The following ADAR variants were observed in gnomAD, a reference collection of about 807,000 sequenced individuals.
ADAR encodes adenosine deaminase RNA specific.
ADAR carries 41 observed loss-of-function variants against 113.2 expected under a neutral mutation model. The observed-to-expected ratio is 0.36, with a 90% CI of 0.28 to 0.47. The LOEUF is 0.47. Ranked by LOEUF, ADAR falls within the 20% of genes least tolerant of loss-of-function variation. The pLI, the probability that ADAR is intolerant of heterozygous loss-of-function variation, is 1.00. For missense variants in ADAR, 1,242 were observed against 1,540.9 expected (o/e 0.81, Z 3.25); for synonymous variants, 605 against 572.6 (o/e 1.06, Z -0.81).
At position 154,601,668 on chromosome 1, in the gene ADAR, G is replaced by A. The variant is rs745665719; in HGVS notation, c.974C>T (p.Thr325Ile). ...ALNLAKNIGLTKARDINAVLI... is the reference protein window; with the variant it reads ...ALNLAKNIGLIKARDINAVLI... ...CACAGCATTTATATCTCGGGCCTTG[G>A]TAAGGCCAATATTTTTAGCCAAATT... The change falls in exon 2 of 15, where the codon ACC becomes ATC. Residue 325 changes from threonine to isoleucine, a missense_variant. Thr to Ile is a moderately conservative substitution (Grantham distance 89). This residue lies in a region of ADAR where 462 missense variants were observed against 483.1 expected (regional missense o/e 0.96). Coordinates refer to ENST00000368474, the MANE Select transcript of ADAR (RefSeq NM_001111.5). This position sits in a 1 kb window ranked among gnomAD's most constrained non-coding sequence, Gnocchi z 4.7. 2 of 1,614,014 alleles carry A rather than the reference G, an allele frequency of 1.2e-6. No homozygotes were observed. The highest frequency in any genetic ancestry group is 2.2e-5 in the East Asian group (1 of 44,898).
intron 1 of ADAR, among the ~76,000 whole-genome samples, chr1:154,603,131 C>T (rs990202177): frequency 2.0e-5 from 3 of 152,188 alleles, no homozygotes; most frequent in African/African-American, 7.2e-5. Context: ...CTCACCAGTG[C>T]ACCCCTTGCC....
At position 154,619,118 on chromosome 1, in the gene ADAR, A is replaced by G. The variant is rs77068323; in HGVS notation, c.-871+8737T>C. On this transcript the variant is annotated intron_variant, in intron 1 of 14. Transcript: ENST00000368471. The stretch of plus-strand genomic sequence containing the variant: ...GAGTGAGACTCCATCTCAAAAAAAA[A>G]GAGGCAGATAATGTTAGTGGCCTAC... Among the ~76,000 whole-genome samples, 1,309 of 152,294 alleles carry G rather than the reference A, an allele frequency of 8.6e-3. 21 individuals carry two copies. Among genetic ancestry groups the G allele is most frequent in the African/African-American group, 0.03 (1,244 of 41,560 alleles).
intron 1 of ADAR, among the ~76,000 whole-genome samples, chr1:154,613,363 C>T (rs1486794087): frequency 7.0e-6 from 1 of 142,284 alleles, no homozygotes; most frequent in African/African-American, 2.6e-5. Flanking sequence ...CGGCTCACTG[C>T]AACCTCCACC....
chr1:154,587,990 G>A (rs1331423072), intron 11 of ADAR, 135 bp downstream of exon 11: 13 of 1,369,928 alleles, frequency 9.5e-6, no homozygotes, highest in Non-Finnish European at 1.3e-5. Context: ...CCTGACCCAG[G>A]TCTTCCCTTT....
chr1:154,593,241 A>C (rs1322918336), intron 6 of ADAR, among the ~76,000 whole-genome samples: 1 of 152,108 alleles, frequency 6.6e-6, no homozygotes, highest in East Asian at 1.9e-4. Context: ...TCACATTAAG[A>C]AGCAACTAAA....
At chr1:154,611,157 A>G (rs1223197453), upstream of ADAR, among the ~76,000 whole-genome samples, 1 of 152,090 alleles carries the variant, frequency 6.6e-6, no homozygotes, top group Non-Finnish European at 1.5e-5. Context: ...TCTTGTCTTC[A>G]GGCAAGACAA....
chr1:154,615,999 T>G (rs1333534207), intron 1 of ADAR, among the ~76,000 whole-genome samples: 1 of 152,202 alleles, frequency 6.6e-6, no homozygotes, highest in Non-Finnish European at 1.5e-5. Context: ...ACAGCTTGTG[T>G]GATCTCTGAA....
chr1:154,598,160 A>C (rs1417065323), intron 3 of ADAR, among the ~76,000 whole-genome samples, 184 bp from the exon 4 acceptor site: 2 of 152,202 alleles, frequency 1.3e-5, no homozygotes, highest in Non-Finnish European at 2.9e-5. Context: ...TGGCCTCAAT[A>C]AACTTTCAGG....
upstream of ADAR, among the ~76,000 whole-genome samples, chr1:154,612,531 G>A (rs1216655834): frequency 6.6e-6 from 1 of 151,744 alleles, no homozygotes; most frequent in Admixed American, 6.6e-5. Flanking sequence ...GTTTCACTGT[G>A]TTAGCCAGGA....
At chr1:154,598,673 G>C in intron 2 of ADAR, 88 bp from the exon 3 acceptor site, 1 of 1,391,072 alleles carries the variant, frequency 7.2e-7, no homozygotes, top group East Asian at 2.3e-5. Flanking sequence ...GGAATTTTCT[G>C]CTACGCTAAG....
At chr1:154,595,328 G>C (rs1697422322) in intron 6 of ADAR, among the ~76,000 whole-genome samples, 1 of 152,182 alleles carries the variant, frequency 6.6e-6, no homozygotes, top group Non-Finnish European at 1.5e-5. Context: ...ATTCCAGAAA[G>C]CACTGTTACC....
chr1:154,590,150 C>G lies in ADAR; in HGVS notation c.2496+34G>C, dbSNP rs532686739. On this transcript the variant is annotated intron_variant, in intron 7 of 14. Transcript: ENST00000368474. ...CTTAGGAGTTAGGAGGACCCCCCCG[C>G]CCCAAAAAAGGCACCAAAAGTAGAC... 1.0e-4 allele frequency: 130 copies of G among 1,289,372 alleles called. 4 individuals carry two copies. In the Middle Eastern group the frequency reaches 1.2e-3, roughly 12 times the overall value. 79.9% of individuals were successfully genotyped at this position (1,289,372 alleles called of 1,614,324 possible).
chr1:154,594,007 G>A (rs567936687), intron 6 of ADAR, among the ~76,000 whole-genome samples: 5 of 151,904 alleles, frequency 3.3e-5, no homozygotes, highest in East Asian at 1.9e-4. Context: ...CTCAGCCTCC[G>A]GAGTAGCTGG....
At chr1:154,594,966 T>A in intron 6 of ADAR, among the ~76,000 whole-genome samples, 1 of 152,256 alleles carries the variant, frequency 6.6e-6, no homozygotes, top group East Asian at 1.9e-4. Context: ...ATGTACTGCA[T>A]AACAGTGTTT....
rs1260275454 is a variant in ADAR, at chr1:154,601,510, C to A, written c.1132G>T (p.Ala378Ser). The change falls in exon 2 of 15, where the codon GCT (alanine) becomes TCT (serine). Residue 378 changes from alanine to serine, a missense_variant. Ala to Ser is a moderately conservative substitution (Grantham distance 99). Transcript: ENST00000368474. This position sits in a 1 kb window ranked among gnomAD's most constrained non-coding sequence, Gnocchi z 4.7. ...NTNSVPETAP[A>S]AIPETKRNAE... ...TTTCTTTTGGTCTCAGGGATTGCAG[C>A]TGGAGCGGTTTCAGGAACACTGTTC... The A allele has an allele frequency of 2.5e-6, 4 of 1,613,986 alleles. No individual in the cohort carries two copies. In the Admixed American group the frequency reaches 6.7e-5, roughly 27 times the overall value.
exon 1 of ADAR, chr1:154,627,873 G>C (rs766721935): frequency 5.8e-6 from 3 of 518,094 alleles, no homozygotes; most frequent in South Asian, 1.4e-5. Flanking sequence ...GCACTTCCTC[G>C]GGACACGGCC....
At position 154,598,438 on chromosome 1, in the gene ADAR, T is replaced by A; in HGVS notation, c.1749A>T (p.Glu583Asp). ...CTTTCTCTGTGGAATAGTGGGATGA[T>A]TCTTCTGATTTTCCACTGTCCTTGG... ...AKAKDSGKSE[E>D]SSHYSTEKES... Residue 583 changes from glutamate to aspartate, a missense_variant, in exon 3 of 15, where the codon GAA (glutamate) becomes GAT (aspartate). Around this residue, in one of 2 missense-constraint regions of ADAR, gnomAD observed 780 missense variants for 1,057.9 expected, o/e 0.74. Transcript: ENST00000368474. 2 of 1,614,198 alleles carry A rather than the reference T, an allele frequency of 1.2e-6. No individual in the cohort carries two copies. Among genetic ancestry groups the A allele is most frequent in the Non-Finnish European group, 1.7e-6 (2 of 1,180,040 alleles).
At chr1:154,627,540 C>A (rs1296232605) in intron 1 of ADAR, among the ~76,000 whole-genome samples, 1 of 152,186 alleles carries the variant, frequency 6.6e-6, no homozygotes, top group Non-Finnish European at 1.5e-5. Context: ...GCCTTTGGTA[C>A]CCAGCTGCTG....
At chr1:154,609,886 A>G (rs1037462499), upstream of ADAR, among the ~76,000 whole-genome samples, 1 of 152,202 alleles carries the variant, frequency 6.6e-6, no homozygotes, top group Admixed American at 6.5e-5. Context: ...TCTTGTTCAT[A>G]TATCTGCCTC....
Sources: gnomAD v4.1 joint callset for allele counts (sites outside exome capture counted in the v4.1 genomes callset) on GRCh38, gnomAD v4.1.1 for gene constraint, gnomAD v4.1.1 regional missense constraint, Gnocchi (gnomAD v3.1) non-coding constraint, MANE v1.5 for transcripts, NCBI Gene and HGNC (gene_info 2026-07-23, HGNC 2026-07-21) for gene names.